Variants in NOL8 observed in about 807,000 individuals in gnomAD.
The protein encoded by NOL8 is nucleolar protein Nop132.
A neutral mutation model predicts 116.1 loss-of-function variants in NOL8; 93 were observed. The observed-to-expected ratio is 0.80, with a 90% CI of 0.68 to 0.95. The LOEUF (loss-of-function observed/expected upper bound fraction) is 0.95, where lower values mean the gene tolerates loss of function less well. Ranked by LOEUF, NOL8 falls within the 40% of genes least tolerant of loss-of-function variation. NOL8 has a pLI of 0.00. For missense variants in NOL8, 1,291 were observed against 1,382.8 expected, an observed-to-expected ratio of 0.93 and a Z score of 1.05; for synonymous variants, 419 against 469.0, an observed-to-expected ratio of 0.89 and a Z score of 1.38.
Position 92,315,655 on chromosome 9 carries a change from G to A in NOL8, c.970C>T (p.Pro324Ser). The change falls in exon 7 of 17, where the codon CCC becomes TCC. Residue 324 changes from proline to serine, a missense_variant. By Grantham distance (74) the Pro-to-Ser change is moderately conservative (BLOSUM62 -1). Transcript: ENST00000442668. ...TCACTTTCAGATTCATTTATTGAGG[G>A]TTGTGTAGTTCTCTGTAAGTTTTCC... ...KEENLQRTTQ[P>S]SINESESDPF... The A allele has an allele frequency of 1.2e-6, 2 of 1,612,902 alleles. No individual in the cohort carries two copies. Among genetic ancestry groups the A allele is most frequent in the Non-Finnish European group, 8.5e-7 (1 of 1,179,386 alleles).
intron 1 of NOL8, chr9:92,324,684 G>C (rs1588017576): frequency 6.6e-6 from 1 of 152,276 alleles, no homozygotes; most frequent in Non-Finnish European, 1.5e-5. Context: ...GAAGTGAATA[G>C]AGAGGCTAGG....
intron 7 of NOL8, among the ~76,000 whole-genome samples, chr9:92,313,968 C>G (rs969628344): frequency 1.3e-5 from 2 of 152,084 alleles, no homozygotes; most frequent in African/African-American, 4.8e-5. Flanking sequence ...GAACAAAAGC[C>G]CATTACAGTA....
At chr9:92,305,375 C>T (rs1233517566) in intron 12 of NOL8, among the ~76,000 whole-genome samples, 1 of 152,168 alleles carries the variant, frequency 6.6e-6, no homozygotes, top group Admixed American at 6.5e-5. Context: ...CTAGAAGGAA[C>T]ATAACCTGTT....
chr9:92,304,839 C>A (rs1330669629), intron 12 of NOL8, among the ~76,000 whole-genome samples: 1 of 152,110 alleles, frequency 6.6e-6, no homozygotes, highest in Non-Finnish European at 1.5e-5. Flanking sequence ...TTTGATTTCA[C>A]TAGTTTCTCC....
Position 92,324,053 on chromosome 9 carries a change from C to A in NOL8, c.109G>T (p.Val37Leu). 1 of 1,614,020 alleles carries A rather than the reference C, an allele frequency of 6.2e-7. No homozygotes were observed. The highest frequency in any genetic ancestry group is 8.5e-7 in the Non-Finnish European group (1 of 1,179,878). The part of the protein sequence containing the change: ...QFSRFGEVSD[V>L]EIITRKDDQG... Reference sequence around the variant, plus strand: ...TCATCTTTCCGTGTGATGATCTCCACATCCGAAACTTCTCCAAATCTGCTG... The same window carrying A: ...TCATCTTTCCGTGTGATGATCTCCAAATCCGAAACTTCTCCAAATCTGCTG... Residue 37 changes from valine (V) to leucine (L), a missense_variant, in exon 2 of 17, where the codon GTG becomes TTG. Transcript: ENST00000442668.
At chr9:92,306,759 A>G (rs1430128393) in intron 11 of NOL8, 127 bp downstream of exon 11, 2 of 724,242 alleles carry the variant, frequency 2.8e-6, no homozygotes, top group Non-Finnish European at 4.5e-6. Flanking sequence ...GTATATTTTT[A>G]AGGGTCTGAT....
Position 92,315,519 on chromosome 9 carries a change from A to G in NOL8, c.1106T>C (p.Ile369Thr), listed in dbSNP as rs568325360. 1.2e-6 allele frequency: 2 copies of G among 1,611,134 alleles called. No individual in the cohort carries two copies. Among genetic ancestry groups the G allele is most frequent in the Admixed American group, 1.7e-5 (1 of 59,730 alleles). The part of the protein sequence containing the change: ...RVSCHDSDDD[I>T]MRNDREYDSG... ...GTCATACTCACGATCATTTCTCATAATATCATCATCACTATCATGGCAAGA... is the reference window on the plus strand; with the variant it reads ...GTCATACTCACGATCATTTCTCATAGTATCATCATCACTATCATGGCAAGA... Residue 369 changes from isoleucine (I) to threonine (T), a missense_variant, in exon 7 of 17, where the codon ATT (isoleucine) becomes ACT (threonine). Ile to Thr is a moderately conservative substitution (Grantham distance 89). Transcript: ENST00000442668.
chr9:92,315,317 T>C lies in NOL8; in HGVS notation c.1308A>G (p.Ser436=), dbSNP rs533505306. ...KLQKRKSNVE[S]ALSHGLKSLN... is the part of the protein sequence containing the mutation. ...GAGACTTTAATCCATGACTGAGGGC[T>C]GACTCTACATTGCTTTTTCTTTTTT... is the stretch of plus-strand genomic sequence containing the variant. The change falls in exon 7 of 17, where the codon TCA becomes TCG. Residue 436 remains serine, a synonymous_variant. Coordinates refer to ENST00000442668, the MANE Select transcript of NOL8 (RefSeq NM_017948.6). The C allele has an allele frequency of 9.9e-6, 16 of 1,613,780 alleles. No homozygotes were observed. The highest frequency in any genetic ancestry group is 1.4e-5 in the Non-Finnish European group (16 of 1,179,844).
At chr9:92,307,965 G>A (rs1838427077) in intron 10 of NOL8, among the ~76,000 whole-genome samples, 1 of 152,166 alleles carries the variant, frequency 6.6e-6, no homozygotes, top group African/African-American at 2.4e-5. Flanking sequence ...AACAACTTTT[G>A]ACTATCAAAA....
intron 4 of NOL8, 50 bp from the exon 5 acceptor site, chr9:92,319,406 T>A: frequency 1.4e-6 from 2 of 1,478,434 alleles, no homozygotes; most frequent in South Asian, 1.4e-5. Context: ...ATCAGCCACG[T>A]AAAATGGTTA....
At chr9:92,304,308 T>A (rs907863203) in intron 12 of NOL8, among the ~76,000 whole-genome samples, 1 of 152,248 alleles carries the variant, frequency 6.6e-6, no homozygotes, top group African/African-American at 2.4e-5. Context: ...TTTTCTTTCA[T>A]TGAACAGTAC....
At chr9:92,320,336 T>A in intron 4 of NOL8, 10 of 373,208 alleles carry the variant, frequency 2.7e-5, no homozygotes, top group South Asian at 2.0e-4. Flanking sequence ...CTCAACCTGC[T>A]CAGCATGGGG....
At chr9:92,316,290 T>A in intron 6 of NOL8, 152 bp from the exon 7 acceptor site, 1 of 800,104 alleles carries the variant, frequency 1.2e-6, no homozygotes, top group Non-Finnish European at 1.9e-6. Context: ...TAGGTTACCT[T>A]TCAGGGTCTA....
chr9:92,313,731 T>A (rs941351673), intron 7 of NOL8, among the ~76,000 whole-genome samples: 1 of 152,198 alleles, frequency 6.6e-6, no homozygotes, highest in African/African-American at 2.4e-5. Context: ...CACAAATCTT[T>A]TCCTACCACT....
chr9:92,324,209 T>A lies in NOL8; in HGVS notation c.-48A>T. 1 of 1,585,210 alleles carries A rather than the reference T, an allele frequency of 6.3e-7. No individual in the cohort carries two copies. The highest frequency in any genetic ancestry group is 8.6e-7 in the Non-Finnish European group (1 of 1,163,956). ...TGTGTTTCAGTGGGAAAAGTAATTTTCTGTATACAGAGAAGAGTTCTTTCC... is the reference window on the plus strand; with the variant it reads ...TGTGTTTCAGTGGGAAAAGTAATTTACTGTATACAGAGAAGAGTTCTTTCC... On this transcript the variant is annotated splice_region_variant and 5_prime_UTR_variant, in exon 2 of 17. Coordinates refer to ENST00000442668, the MANE Select transcript of NOL8 (RefSeq NM_017948.6).
intron 11 of NOL8, 96 bp from the exon 12 acceptor site, chr9:92,305,926 TAATTTTGCAGCAAG>T: frequency 1.3e-6 from 1 of 775,074 alleles, no homozygotes; most frequent in East Asian, 2.6e-5. Context: ...AGGAAGATTC[TAATTTTGCAGCAAG>T]AAGAAGCCAT....
In NOL8 at chr9:92,324,058, G is replaced by C. The variant is rs940164063; in HGVS notation, c.104C>G (p.Ser35Trp). The C allele has an allele frequency of 1.9e-6, 3 of 1,613,946 alleles. No homozygotes were observed. The South Asian group carries it at 3.3e-5, about 18-fold the overall frequency. Residue 35 changes from serine (S) to tryptophan (W), a missense_variant, in exon 2 of 17, where the codon TCG becomes TGG. Coordinates refer to ENST00000442668, the MANE Select transcript of NOL8 (RefSeq NM_017948.6). ...TTTCCGTGTGATGATCTCCACATCC[G>C]AAACTTCTCCAAATCTGCTGAACTG... Reference protein sequence around the residue: ...QNQFSRFGEVSDVEIITRKDD... With the variant: ...QNQFSRFGEVWDVEIITRKDD...
intron 4 of NOL8, among the ~76,000 whole-genome samples, chr9:92,321,167 A>C (rs1839890430): frequency 6.6e-6 from 1 of 152,224 alleles, no homozygotes; most frequent in Non-Finnish European, 1.5e-5. Context: ...AATGCAGACA[A>C]TGCTAAGATT....
intron 7 of NOL8, 42 bp from the exon 8 acceptor site, chr9:92,311,301 T>A: frequency 2.1e-6 from 3 of 1,445,526 alleles, no homozygotes; most frequent in Non-Finnish European, 2.9e-6. Flanking sequence ...AAAAGATTTA[T>A]GATGAAGACT....
Sources: gnomAD v4.1 joint callset for allele counts (sites outside exome capture counted in the v4.1 genomes callset) on GRCh38, gnomAD v4.1.1 for gene constraint, MANE v1.5 for transcripts, NCBI Gene and HGNC (gene_info 2026-07-23, HGNC 2026-07-21) for gene names.